Variants in TTC1 observed in about 807,000 individuals in gnomAD.
The protein encoded by TTC1 is tetratricopeptide repeat domain 1.
Under a neutral mutation model 37.6 loss-of-function variants are expected in TTC1, and 31 were observed. The observed-to-expected ratio is 0.82, with a 90% CI of 0.62 to 1.11. The LOEUF is 1.11. TTC1 is among the 50% of genes most tolerant of loss of function. TTC1 has a pLI of 0.00. For missense variants in TTC1, 351 were observed against 339.0 expected, an observed-to-expected ratio of 1.04 and a Z score of -0.28; for synonymous variants, 127 against 122.4, an observed-to-expected ratio of 1.04 and a Z score of -0.25.
chr5:160,024,088 A>G (rs1024823501), intron 2 of TTC1: 3 of 865,456 alleles, frequency 3.5e-6, no homozygotes, highest in Non-Finnish European at 5.9e-6. Context: ...GGGATGGGCA[A>G]TGGGTAGAGC....
chr5:160,044,628 T>C (rs1440564911), intron 5 of TTC1, among the ~76,000 whole-genome samples: 3 of 152,194 alleles, frequency 2.0e-5, no homozygotes, highest in South Asian at 2.1e-4. Context: ...TAGGGAGCAG[T>C]GAGGATGACC....
intron 4 of TTC1, among the ~76,000 whole-genome samples, chr5:160,038,598 T>C (rs1344407118): frequency 6.6e-6 from 1 of 152,208 alleles, no homozygotes. Context: ...TGCTCTATGA[T>C]TGTTGCCTGT....
intron 2 of TTC1, among the ~76,000 whole-genome samples, chr5:160,027,542 G>T (rs1026372023): frequency 1.3e-5 from 2 of 152,138 alleles, no homozygotes; most frequent in Non-Finnish European, 2.9e-5. Context: ...AATAATATTA[G>T]AGTCTTATAT....
At chr5:160,015,927 T>C (rs111404888) in intron 2 of TTC1, among the ~76,000 whole-genome samples, 2,514 of 152,330 alleles carry the variant, frequency 0.017, 52 homozygotes, top group African/African-American at 0.042. Flanking sequence ...TATAGGACAC[T>C]CCGTTGGTGT....
chr5:160,018,308 T>G (rs1756641869), intron 2 of TTC1, among the ~76,000 whole-genome samples: 1 of 152,044 alleles, frequency 6.6e-6, no homozygotes, highest in African/African-American at 2.4e-5. Flanking sequence ...AATTACTGAG[T>G]CTGTTATTTT....
At chr5:160,058,898 G>C (rs928320009) in intron 7 of TTC1, among the ~76,000 whole-genome samples, 2 of 152,124 alleles carry the variant, frequency 1.3e-5, no homozygotes, top group African/African-American at 4.8e-5. Context: ...CTTCTTTTCT[G>C]AACAGTAGGT....
At chr5:160,049,078 C>T (rs576319439) in intron 5 of TTC1, among the ~76,000 whole-genome samples, 1 of 152,308 alleles carries the variant, frequency 6.6e-6, no homozygotes, top group South Asian at 2.1e-4. Context: ...TGGCAAACTA[C>T]AGCCACAAGC....
At chr5:160,064,795 A>G (rs2113431185) in intron 7 of TTC1, 137 bp from the exon 8 acceptor site, 3 of 934,806 alleles carry the variant, frequency 3.2e-6, no homozygotes, top group East Asian at 2.7e-5. Context: ...AGCTTTCATC[A>G]TATTAAAAGT....
chr5:160,053,191 A>C (rs186865992), intron 7 of TTC1, among the ~76,000 whole-genome samples: 1 of 152,144 alleles, frequency 6.6e-6, no homozygotes, highest in South Asian at 2.1e-4. Context: ...AATTAATATC[A>C]CTTAGAAGTT....
chr5:160,045,774 G>A (rs1408148642), intron 5 of TTC1, among the ~76,000 whole-genome samples: 1 of 151,702 alleles, frequency 6.6e-6, no homozygotes, highest in African/African-American at 2.4e-5. Flanking sequence ...ACAGAGACTC[G>A]CTCTGTTGCC....
intron 2 of TTC1, among the ~76,000 whole-genome samples, chr5:160,031,471 A>G (rs958030803): frequency 1.3e-5 from 2 of 151,866 alleles, no homozygotes; most frequent in African/African-American, 4.8e-5. Flanking sequence ...AAAATTAGCC[A>G]GGTGTGGTGG....
intron 2 of TTC1, among the ~76,000 whole-genome samples, chr5:160,029,002 A>C (rs1198081793): frequency 2.0e-5 from 3 of 152,206 alleles, no homozygotes; most frequent in Non-Finnish European, 4.4e-5. Flanking sequence ...AACTTTGGAC[A>C]CAGACTCTTG....
At chr5:160,039,440 T>C (rs1281168199) in intron 4 of TTC1, among the ~76,000 whole-genome samples, 1 of 152,066 alleles carries the variant, frequency 6.6e-6, no homozygotes, top group Non-Finnish European at 1.5e-5. Context: ...TATATAAAAA[T>C]TATGAAAGAA....
At chr5:160,025,845 C>G (rs1294025418) in intron 2 of TTC1, among the ~76,000 whole-genome samples, 1 of 152,190 alleles carries the variant, frequency 6.6e-6, no homozygotes, top group Non-Finnish European at 1.5e-5. Flanking sequence ...ATTCTCCCAC[C>G]TCAGTCCCTC....
chr5:160,028,532 A>C (rs964836722), intron 2 of TTC1, among the ~76,000 whole-genome samples: 4 of 152,148 alleles, frequency 2.6e-5, no homozygotes, highest in Non-Finnish European at 5.9e-5. Flanking sequence ...CACCTAGGCT[A>C]TAGTGCAGTG....
At chr5:160,025,206 T>C (rs1226382005) in intron 2 of TTC1, among the ~76,000 whole-genome samples, 2 of 152,164 alleles carry the variant, frequency 1.3e-5, no homozygotes, top group Non-Finnish European at 2.9e-5. Context: ...TTTTATATTT[T>C]TAATAGAGAT....
chr5:160,016,093 C>G (rs937466771), intron 2 of TTC1, among the ~76,000 whole-genome samples: 1 of 152,262 alleles, frequency 6.6e-6, no homozygotes, highest in Non-Finnish European at 1.5e-5. Context: ...AAAGGTAAAT[C>G]TTGGCCGGGT....
intron 2 of TTC1, among the ~76,000 whole-genome samples, chr5:160,020,806 C>T (rs1381733934): frequency 6.6e-6 from 1 of 152,194 alleles, no homozygotes; most frequent in Non-Finnish European, 1.5e-5. Context: ...CCCACTGATT[C>T]TACATTATGG....
chr5:160,028,672 C>T (rs563516099), intron 2 of TTC1, among the ~76,000 whole-genome samples: 79 of 152,058 alleles, frequency 5.2e-4, no homozygotes, highest in Admixed American at 3.9e-3. Flanking sequence ...AACAGGGTTT[C>T]GCCATGTTGC....
Sources: gnomAD v4.1 joint callset for allele counts (sites outside exome capture counted in the v4.1 genomes callset) on GRCh38, gnomAD v4.1.1 for gene constraint, MANE v1.5 for transcripts, NCBI Gene and HGNC (gene_info 2026-07-23, HGNC 2026-07-21) for gene names.